The following NPNT variants were observed in gnomAD, a reference collection of about 807,000 sequenced individuals.
NPNT encodes preosteoblast EGF-like repeat protein with MAM domain.
Under a neutral mutation model 68.6 loss-of-function variants are expected in NPNT, and 45 were observed. That is an observed-to-expected ratio of 0.66 (90% CI 0.52 to 0.84). NPNT has a LOEUF of 0.84. Ranked by LOEUF, NPNT falls within the 40% of genes least tolerant of loss-of-function variation. The pLI is 0.00. For synonymous variants in NPNT, 233 were observed against 253.3 expected, an observed-to-expected ratio of 0.92 and a Z score of 0.76; for missense variants, 672 against 714.8, an observed-to-expected ratio of 0.94 and a Z score of 0.68.
chr4:105,932,041 A>C (rs1371412933), intron 3 of NPNT, among the ~76,000 whole-genome samples: 4 of 152,200 alleles, frequency 2.6e-5, no homozygotes, highest in Non-Finnish European at 5.9e-5. Context: ...AAAGCTTCTC[A>C]TGTATGTTCC....
In NPNT at chr4:105,938,380, C is replaced by T. The variant is rs1467860759; in HGVS notation, c.465C>T (p.Ser155=). The T allele has an allele frequency of 6.2e-7, 1 of 1,613,676 alleles. No homozygotes were observed. Among genetic ancestry groups the T allele is most frequent in the African/African-American group, 1.3e-5 (1 of 74,984 alleles). The part of the protein sequence containing the change: ...VKGQIRCQCP[S]PGLQLAPDGR... ...GACAAATACGGTGCCAGTGCCCATC[C>T]CCTGGCCTGCAGCTGGCTCCTGATG... Residue 155 remains serine, a synonymous_variant, in exon 5 of 12, where the codon TCC becomes TCT. Coordinates refer to ENST00000379987, the MANE Select transcript of NPNT (RefSeq NM_001033047.3).
rs751227704 is a variant in NPNT, at chr4:105,967,261, C to T, written c.1419C>T (p.Gly473=). The part of the protein sequence containing the change: ...GKAARLVLPL[G]RLMHSGDLCL... Reference sequence around the variant, plus strand: ...CTGCACGCTTGGTGCTACCTCTCGGCCGCCTCATGCATTCAGGGGACCTGT... The same window carrying T: ...CTGCACGCTTGGTGCTACCTCTCGGTCGCCTCATGCATTCAGGGGACCTGT... The change falls in exon 11 of 12, where the codon GGC becomes GGT. Residue 473 remains glycine, a synonymous_variant. Transcript: ENST00000379987. 6.2e-7 allele frequency: 1 copy of T among 1,614,030 alleles called. No homozygotes were observed. Among genetic ancestry groups the T allele is most frequent in the Admixed American group, 1.7e-5 (1 of 60,030 alleles).
chr4:105,924,938 T>C (rs1210754453), intron 2 of NPNT, among the ~76,000 whole-genome samples: 1 of 152,200 alleles, frequency 6.6e-6, no homozygotes, highest in Non-Finnish European at 1.5e-5. Flanking sequence ...TTTTTTTCAA[T>C]ATGGCATTCT....
chr4:105,963,200 A>G (rs28408688), intron 10 of NPNT, among the ~76,000 whole-genome samples: 16,128 of 152,148 alleles, frequency 0.11, 1,241 homozygotes, highest in African/African-American at 0.22. Flanking sequence ...ACTCCAGCCT[A>G]GGTGACAAAG....
intron 2 of NPNT, among the ~76,000 whole-genome samples, chr4:105,924,366 A>G (rs1728519209): frequency 6.6e-6 from 1 of 152,208 alleles, no homozygotes; most frequent in Admixed American, 6.5e-5. Flanking sequence ...TTTGTGCTAT[A>G]TAGGAGAATA....
chr4:105,968,873 G>GGTGT (rs1560549159), intron 11 of NPNT, 22 bp from the exon 12 acceptor site: 9 of 1,433,050 alleles, frequency 6.3e-6, no homozygotes, highest in East Asian at 2.3e-5. Context: ...AGGCTTGACT[G>GGTGT]GTGTGTGCAT....
Position 105,967,232 on chromosome 4 carries a change from A to T in NPNT, c.1390A>T (p.Lys464Ter). Residue 464 changes from lysine to a stop codon, truncating the protein, a stop_gained, in exon 11 of 12, where the codon AAA (lysine) becomes TAA (stop). Coordinates refer to ENST00000379987, the MANE Select transcript of NPNT (RefSeq NM_001033047.3). LOFTEE classifies it high-confidence loss of function. ...TVSAAKAPGG[K>*]AARLVLPLGR... ...GTCGGCAGCCAAAGCCCCAGGGGGA[A>T]AAGCTGCACGCTTGGTGCTACCTCT... is the stretch of plus-strand genomic sequence containing the variant. 1 of 1,613,992 alleles carries T rather than the reference A, an allele frequency of 6.2e-7. No homozygotes were observed. Among genetic ancestry groups the T allele is most frequent in the Non-Finnish European group, 8.5e-7 (1 of 1,180,006 alleles).
chr4:105,948,413 C>T (rs1730554981), intron 8 of NPNT, among the ~76,000 whole-genome samples: 1 of 152,134 alleles, frequency 6.6e-6, no homozygotes, highest in Non-Finnish European at 1.5e-5. Context: ...AGTTACTGTG[C>T]TTTCCACCTC....
intron 2 of NPNT, among the ~76,000 whole-genome samples, chr4:105,900,033 A>C (rs1182859395): frequency 6.6e-6 from 1 of 152,268 alleles, no homozygotes; most frequent in African/African-American, 2.4e-5. Flanking sequence ...ACGTTTGTTC[A>C]AGAAAATGCC....
At chr4:105,915,474 T>C (rs1727733955) in intron 2 of NPNT, among the ~76,000 whole-genome samples, 1 of 152,112 alleles carries the variant, frequency 6.6e-6, no homozygotes, top group Non-Finnish European at 1.5e-5. Context: ...AGCTTCTTTT[T>C]TGATAAAATG....
intron 2 of NPNT, chr4:105,912,174 CA>C (rs1727422987): frequency 3.3e-6 from 5 of 1,528,844 alleles, no homozygotes; most frequent in Non-Finnish European, 4.4e-6. Flanking sequence ...TTTTTTTGGA[CA>C]TTTGTTTTGC....
rs573511533 is a variant in NPNT, at chr4:105,901,723, G to T, written c.172+3722G>T. On this transcript the variant is annotated intron_variant, in intron 2 of 11. Coordinates refer to ENST00000379987, the MANE Select transcript of NPNT (RefSeq NM_001033047.3). The stretch of plus-strand genomic sequence containing the variant: ...GAAAGATGTGAAACCTACACCTACA[G>T]ATTGACCTTGCTTAGTTAGCTCTGA... Among the ~76,000 whole-genome samples the T allele has an allele frequency of 1.1e-4, 17 of 152,306 alleles. 1 individual carries two copies. The South Asian group carries it at 1.2e-3, about 11-fold the overall frequency.
Position 105,968,862 on chromosome 4 carries a change from G to A in NPNT, c.1603-33G>A, listed in dbSNP as rs1732373063. ...AAGGAGGCATTAGAAAGGGGCAGAGGAGGCTTGACTGGTGTGTGCATTCTC... is the reference window on the plus strand; with the variant it reads ...AAGGAGGCATTAGAAAGGGGCAGAGAAGGCTTGACTGGTGTGTGCATTCTC... On this transcript the variant is annotated intron_variant, in intron 11 of 11. Transcript: ENST00000379987. The A allele has an allele frequency of 2.4e-6, 3 of 1,269,444 alleles. No homozygotes were observed. The African/African-American group carries it at 4.4e-5, about 19-fold the overall frequency. 78.6% of individuals were successfully genotyped at this position (1,269,444 alleles called of 1,614,324 possible). A position where few individuals can be genotyped will look rare whatever the true frequency, so the allele number is the denominator to read the frequency against.
chr4:105,942,239 G>T (rs1730026876), intron 7 of NPNT, 68 bp from the exon 8 acceptor site: 2 of 1,220,146 alleles, frequency 1.6e-6, no homozygotes, highest in Non-Finnish European at 1.2e-6. Context: ...TTTTATGTCT[G>T]TCAGTGTAAT....
intron 8 of NPNT, among the ~76,000 whole-genome samples, chr4:105,953,067 G>A (rs867886984): frequency 6.6e-6 from 1 of 152,184 alleles, no homozygotes; most frequent in Non-Finnish European, 1.5e-5. Context: ...TCGAGAGGCT[G>A]AGACAGGAGA....
rs1397505447 is a variant in NPNT, at chr4:105,969,540, CAT to C, written c.*553_*554del. 2 of 152,188 alleles carry C rather than the reference CAT, an allele frequency of 1.3e-5. No individual in the cohort carries two copies. The highest frequency in any genetic ancestry group is 2.4e-5 in the African/African-American group (1 of 41,406). 9.4% of individuals were successfully genotyped at this position (152,188 alleles called of 1,614,324 possible). A position where few individuals can be genotyped will look rare whatever the true frequency, so the allele number is the denominator to read the frequency against. The stretch of plus-strand genomic sequence containing the variant: ...CACTTTATAAAATAAGGGTGTGTAA[CAT>C]ATCAAGATACATTTATTTTTATCTG... On this transcript the variant is annotated 3_prime_UTR_variant, in exon 12 of 12. Coordinates refer to ENST00000379987, the MANE Select transcript of NPNT (RefSeq NM_001033047.3).
At chr4:105,926,823 C>T (rs796678757) in intron 2 of NPNT, among the ~76,000 whole-genome samples, 4 of 152,156 alleles carry the variant, frequency 2.6e-5, no homozygotes, top group African/African-American at 9.6e-5. Context: ...AATTGAAGTT[C>T]CAAAACAATG....
At chr4:105,902,428 T>C (rs1177112912) in intron 2 of NPNT, among the ~76,000 whole-genome samples, 2 of 152,302 alleles carry the variant, frequency 1.3e-5, no homozygotes, top group African/African-American at 4.8e-5. Flanking sequence ...GATTGTACTG[T>C]TTACATGTAT....
At position 105,922,001 on chromosome 4, in the gene NPNT, A is replaced by G. The variant is rs1160098775; in HGVS notation, c.173-5335A>G. Among the ~76,000 whole-genome samples the G allele has an allele frequency of 2.0e-5, 3 of 152,272 alleles. No homozygotes were observed. In the East Asian group the frequency reaches 5.8e-4, roughly 29 times the overall value. On this transcript the variant is annotated intron_variant, in intron 2 of 11. Coordinates refer to ENST00000379987, the MANE Select transcript of NPNT (RefSeq NM_001033047.3). ...TTCTTCTGTGAGCATAACCTGGAGG[A>G]CAAGGTTTTTTGTTCTGCTTTTAGT...
Sources: gnomAD v4.1 joint callset for allele counts (sites outside exome capture counted in the v4.1 genomes callset) on GRCh38, gnomAD v4.1.1 for gene constraint, MANE v1.5 for transcripts, NCBI Gene and HGNC (gene_info 2026-07-23, HGNC 2026-07-21) for gene names.